The following UMAD1 variants were observed in gnomAD, a reference collection of about 807,000 sequenced individuals.
The protein encoded by UMAD1 is UBAP1-MVB12-associated (UMA)-domain containing protein 1.
UMAD1 carries 8 observed loss-of-function variants against 6.1 expected under a neutral mutation model. That is an observed-to-expected ratio of 1.30 (90% CI 0.76 to 2.35). The LOEUF (loss-of-function observed/expected upper bound fraction) is 2.35. Ranked by LOEUF, UMAD1 falls within the 30% of genes most tolerant of loss-of-function variation. The probability of loss-of-function intolerance (pLI) is 0.00; values close to 1 mark genes in which losing one functional copy is unlikely to be tolerated. For missense variants in UMAD1, 130 were observed against 78.4 expected, an observed-to-expected ratio of 1.66 and a Z score of -2.49; for synonymous variants, 56 against 31.4, an observed-to-expected ratio of 1.78 and a Z score of -2.61.
chr7:7,721,135 T>C (rs953078912), intron 2 of UMAD1, among the ~76,000 whole-genome samples: 1 of 152,180 alleles, frequency 6.6e-6, no homozygotes, highest in South Asian at 2.1e-4. Context: ...GATTCTGCCC[T>C]AGAGACTTCA....
intron 2 of UMAD1, among the ~76,000 whole-genome samples, chr7:7,719,742 T>C (rs887295841): frequency 1.4e-4 from 21 of 152,208 alleles, no homozygotes; most frequent in Admixed American, 3.9e-4. Flanking sequence ...ATGAGAAGAA[T>C]AATGTGGAAA....
chr7:7,877,829 A>T lies in UMAD1; in HGVS notation c.*291A>T. ...TGGTCTCTCAAAATATAACACCTCAAATTTATCTTAGAAGAACTGTGAAAA... is the reference window on the plus strand; with the variant it reads ...TGGTCTCTCAAAATATAACACCTCATATTTATCTTAGAAGAACTGTGAAAA... On this transcript the variant is annotated 3_prime_UTR_variant, in exon 4 of 4. Transcript: ENST00000682710. The T allele has an allele frequency of 3.2e-6, 1 of 316,902 alleles. No homozygotes were observed. Among genetic ancestry groups the T allele is most frequent in the East Asian group, 6.4e-5 (1 of 15,506 alleles). The allele number at this position is 316,902 out of a possible 1,614,324, so 19.6% of individuals were successfully genotyped here. A position where few individuals can be genotyped will look rare whatever the true frequency, so the allele number is the denominator to read the frequency against.
intron 3 of UMAD1, among the ~76,000 whole-genome samples, chr7:7,859,363 C>A (rs1302102301): frequency 6.6e-6 from 1 of 152,170 alleles, no homozygotes; most frequent in Admixed American, 6.5e-5. Context: ...TAATCAAGAA[C>A]AGTGTGAAGT....
At chr7:7,706,205 T>A (rs2115162912) in intron 2 of UMAD1, among the ~76,000 whole-genome samples, 1 of 152,248 alleles carries the variant, frequency 6.6e-6, no homozygotes, top group South Asian at 2.1e-4. Context: ...AAGTCCATGT[T>A]GAGTCAGAAC....
At chr7:7,785,997 A>T (rs1046349502) in intron 2 of UMAD1, among the ~76,000 whole-genome samples, 4 of 152,206 alleles carry the variant, frequency 2.6e-5, no homozygotes, top group African/African-American at 9.7e-5. Context: ...AATAATTTCA[A>T]ACTTAAAAGG....
In UMAD1 at chr7:7,806,712, G is replaced by A. The variant is rs561911111; in HGVS notation, c.156+4969G>A. Among the ~76,000 whole-genome samples the A allele has an allele frequency of 2.0e-5, 3 of 152,136 alleles. No individual in the cohort carries two copies. The East Asian group carries it at 5.8e-4, about 29-fold the overall frequency. ...TTTTGGCACTCTTACTACATTAGCA[G>A]GGAAAAGTTTAATAAATTCAGTTAG... On this transcript the variant is annotated intron_variant, in intron 3 of 3. Transcript: ENST00000682710.
At chr7:7,676,883 C>T (rs1779754521) in intron 2 of UMAD1, among the ~76,000 whole-genome samples, 1 of 152,058 alleles carries the variant, frequency 6.6e-6, no homozygotes. Context: ...AGTTAATTAT[C>T]AGGTAAACTC....
At chr7:7,751,397 C>T (rs1218851144) in intron 2 of UMAD1, among the ~76,000 whole-genome samples, 4 of 152,128 alleles carry the variant, frequency 2.6e-5, no homozygotes, top group Admixed American at 2.6e-4. Context: ...GAAACTGAAA[C>T]TGAAGAAATT....
At chr7:7,651,321 G>T (rs989790784) in intron 1 of UMAD1, among the ~76,000 whole-genome samples, 2 of 152,140 alleles carry the variant, frequency 1.3e-5, no homozygotes, top group African/African-American at 4.8e-5. Context: ...GGTGGGCTTG[G>T]CTTGTCTTTT....
At chr7:7,689,111 G>C (rs1301685980) in intron 2 of UMAD1, among the ~76,000 whole-genome samples, 2 of 152,188 alleles carry the variant, frequency 1.3e-5, no homozygotes, top group East Asian at 3.9e-4. Flanking sequence ...CAGAAAGTCA[G>C]TGCTCATTTG....
intron 1 of UMAD1, among the ~76,000 whole-genome samples, chr7:7,666,940 T>C (rs10232335): frequency 3.3e-5 from 5 of 152,164 alleles, no homozygotes; most frequent in African/African-American, 1.2e-4. Context: ...CCTGAGTAGC[T>C]GGGATTGCAG....
At chr7:7,783,808 AGTTT>A (rs1782400761) in intron 2 of UMAD1, among the ~76,000 whole-genome samples, 1 of 152,212 alleles carries the variant, frequency 6.6e-6, no homozygotes, top group Admixed American at 6.5e-5. Context: ...GCGGTAATGC[AGTTT>A]GTTTTGTACA....
chr7:7,812,529 G>C (rs1783039544), intron 3 of UMAD1, among the ~76,000 whole-genome samples: 1 of 152,288 alleles, frequency 6.6e-6, no homozygotes, highest in East Asian at 1.9e-4. Flanking sequence ...TGTTACTGCA[G>C]TTTGTGGAGA....
At chr7:7,650,615 T>A (rs1563084134) in intron 1 of UMAD1, among the ~76,000 whole-genome samples, 1 of 152,196 alleles carries the variant, frequency 6.6e-6, no homozygotes, top group Non-Finnish European at 1.5e-5. Flanking sequence ...ATGATAAATT[T>A]TATGTAGTAT....
chr7:7,716,729 A>G (rs1780915047), intron 2 of UMAD1, among the ~76,000 whole-genome samples: 1 of 152,220 alleles, frequency 6.6e-6, no homozygotes, highest in Admixed American at 6.5e-5. Context: ...GCGGATCACG[A>G]GGTCAGGAGA....
chr7:7,703,131 C>G (rs1014704302), intron 2 of UMAD1, among the ~76,000 whole-genome samples: 1 of 152,180 alleles, frequency 6.6e-6, no homozygotes, highest in Non-Finnish European at 1.5e-5. Flanking sequence ...TAATTGAATA[C>G]AGCTGTAGTT....
At position 7,876,677 on chromosome 7, in the gene UMAD1, C is replaced by T. The variant is rs1285852755; in HGVS notation, c.157-604C>T. ...TCAGACAATCAGTACTCATGGTATA[C>T]ATTAGAGATAAATTATGAGTACATA... On this transcript the variant is annotated intron_variant, in intron 3 of 3. Transcript: ENST00000682710. 2.0e-5 allele frequency among the ~76,000 whole-genome samples: 3 copies of T among 152,122 alleles called. No homozygotes were observed. The South Asian group carries it at 6.2e-4, about 31-fold the overall frequency.
chr7:7,693,330 T>TCTATCTAC (rs1170184527), intron 2 of UMAD1, among the ~76,000 whole-genome samples: 1 of 151,218 alleles, frequency 6.6e-6, no homozygotes, highest in Non-Finnish European at 1.5e-5. Context: ...TATCTATCTA[T>TCTATCTAC]CTATCTACAT....
At chr7:7,728,646 G>GA (rs71014706) in intron 2 of UMAD1, among the ~76,000 whole-genome samples, 9,669 of 108,742 alleles carry the variant, frequency 0.089, 397 homozygotes, top group Non-Finnish European at 0.12. Flanking sequence ...TCCATCTTAA[G>GA]AAAAAAAAAA....
Sources: allele counts gnomAD v4.1 joint callset (sites outside exome capture counted in the v4.1 genomes callset), GRCh38; gene constraint gnomAD v4.1.1; transcripts MANE v1.5; gene names NCBI Gene and HGNC (gene_info 2026-07-23, HGNC 2026-07-21).